The following FLNB variants were observed in gnomAD, a reference collection of about 807,000 sequenced individuals.
FLNB encodes the protein filamin B, also known as filamin-B.
Under a neutral mutation model 250.6 loss-of-function variants are expected in FLNB, and 111 were observed. The observed-to-expected ratio is 0.44, with a 90% confidence interval of 0.38 to 0.52. The LOEUF (loss-of-function observed/expected upper bound fraction) is 0.52, where lower values mean the gene tolerates loss of function less well. Ranked by LOEUF, FLNB falls within the 20% of genes least tolerant of loss-of-function variation. FLNB has a pLI of 0.00. For missense variants in FLNB, 2,869 were observed against 3,447.8 expected, an observed-to-expected ratio of 0.83 and a Z score of 4.20; for synonymous variants, 1,302 against 1,372.1, an observed-to-expected ratio of 0.95 and a Z score of 1.13.
chr3:58,145,718 AG>A (rs1288718418), intron 32 of FLNB, among the ~76,000 whole-genome samples: 5 of 152,282 alleles, frequency 3.3e-5, no homozygotes, highest in African/African-American at 1.2e-4. Flanking sequence ...TTGTGATTGA[AG>A]GAATAATACT....
intron 1 of FLNB, among the ~76,000 whole-genome samples, chr3:58,057,792 G>A (rs768736008): frequency 6.6e-6 from 1 of 152,030 alleles, no homozygotes; most frequent in Admixed American, 6.6e-5. Context: ...CATGTAAGTC[G>A]AGTGGATTTT....
Position 58,125,561 on chromosome 3 carries a change from CTGTT to C in FLNB, c.3899-15_3899-12del, listed in dbSNP as rs755050054. The C allele has an allele frequency of 1.2e-6, 2 of 1,613,752 alleles. No homozygotes were observed. The highest frequency in any genetic ancestry group is 2.2e-5 in the East Asian group (1 of 44,878). On this transcript the variant is annotated splice_polypyrimidine_tract_variant and intron_variant, in intron 22 of 45. Transcript: ENST00000295956. ...GGGATTTGTATGCAAATATGCGTTT[CTGTT>C]TGTTGTTTTGAGCAGGTCTCCATGT...
intron 4 of FLNB, among the ~76,000 whole-genome samples, chr3:58,087,830 TC>T (rs2107002035): frequency 6.6e-6 from 1 of 151,604 alleles, no homozygotes; most frequent in African/African-American, 2.4e-5. Flanking sequence ...AACCTCTGCC[TC>T]CTGGATTCAA....
chr3:58,025,697 G>C (rs140000723), intron 1 of FLNB, among the ~76,000 whole-genome samples: 1 of 152,198 alleles, frequency 6.6e-6, no homozygotes, highest in Admixed American at 6.5e-5. Flanking sequence ...GGGCTGAGGC[G>C]TGCAGATCAC....
intron 4 of FLNB, among the ~76,000 whole-genome samples, chr3:58,089,175 T>C (rs1269275994): frequency 1.3e-5 from 2 of 151,904 alleles, no homozygotes; most frequent in Admixed American, 1.3e-4. Context: ...AAAAAGACAG[T>C]TGATGCCAAC....
chr3:58,093,849 G>A (rs2097232878), intron 4 of FLNB, among the ~76,000 whole-genome samples: 1 of 152,160 alleles, frequency 6.6e-6, no homozygotes, highest in African/African-American at 2.4e-5. Flanking sequence ...ACAATTATAT[G>A]TAGTGAAAAA....
At chr3:58,084,828 C>T (rs564241899) in intron 4 of FLNB, among the ~76,000 whole-genome samples, 13 of 152,112 alleles carry the variant, frequency 8.5e-5, no homozygotes, top group Admixed American at 6.5e-4. Context: ...TTTGCTTATT[C>T]TAGGGACCTC....
At chr3:58,076,949 C>T in intron 1 of FLNB, 97 bp from the exon 2 acceptor site, 1 of 1,376,440 alleles carries the variant, frequency 7.3e-7, no homozygotes, top group Non-Finnish European at 1.0e-6. Context: ...CAGTATGGTT[C>T]TCTAATAGTT....
Position 58,142,589 on chromosome 3 carries a change from T to G in FLNB, c.5182-61T>G. ...GAATTCCCAGCAGCTCTAACCCCTG[T>G]AGCTTCACCAGCTCCCGCTGTTGTC... On this transcript the variant is annotated intron_variant, in intron 30 of 45. Transcript: ENST00000295956. The surrounding 1 kb of genome is among the most constrained non-coding windows in gnomAD (Gnocchi z 4.3). 1 of 1,421,548 alleles carries G rather than the reference T, an allele frequency of 7.0e-7. No homozygotes were observed. The highest frequency in any genetic ancestry group is 1.2e-5 in the South Asian group (1 of 86,338). The allele number at this position is 1,421,548 out of a possible 1,614,324, so 88.1% of individuals were successfully genotyped here. A position where few individuals can be genotyped will look rare whatever the true frequency, so the allele number is the denominator to read the frequency against.
Position 58,170,643 on chromosome 3 carries a change from G to A in FLNB, c.7690G>A (p.Val2564Ile), listed in dbSNP as rs759652781. The A allele has an allele frequency of 8.9e-5, 143 of 1,614,160 alleles. 1 individual carries two copies. The highest frequency in any genetic ancestry group is 1.5e-4 in the Admixed American group (9 of 60,016). The change falls in exon 46 of 46, where the codon GTA becomes ATA. Residue 2564 changes from valine (V) to isoleucine (I), a missense_variant. Physicochemically the swap from Val to Ile is conservative, Grantham distance 29 (BLOSUM62 3). This residue lies in a region of FLNB where 1,084 missense variants were observed against 1,315.5 expected (regional missense o/e 0.82). Coordinates refer to ENST00000295956, the MANE Select transcript of FLNB (RefSeq NM_001457.4). ...TPCEEVSMKHVGNQQYNVTYV... is the reference protein window; with the variant it reads ...TPCEEVSMKHIGNQQYNVTYV... ...CTGCGAGGAGGTCTCCATGAAGCATGTAGGCAACCAGCAATACAACGTCAC... is the reference window on the plus strand; with the variant it reads ...CTGCGAGGAGGTCTCCATGAAGCATATAGGCAACCAGCAATACAACGTCAC...
At chr3:58,051,708 G>A (rs2097162772) in intron 1 of FLNB, among the ~76,000 whole-genome samples, 1 of 151,256 alleles carries the variant, frequency 6.6e-6, no homozygotes, top group Non-Finnish European at 1.5e-5. Context: ...GCTTTTTGAT[G>A]TGTAGCCAGG....
chr3:58,093,947 G>A (rs937465239), intron 4 of FLNB, among the ~76,000 whole-genome samples: 1 of 152,180 alleles, frequency 6.6e-6, no homozygotes, highest in African/African-American at 2.4e-5. Context: ...ACGGGTTAGT[G>A]GTTATCAGGG....
chr3:58,081,877 AG>A, intron 4 of FLNB, 101 bp downstream of exon 4: 1 of 1,308,546 alleles, frequency 7.6e-7, no homozygotes, highest in Non-Finnish European at 1.1e-6. Flanking sequence ...AAAAATAGAT[AG>A]GTGTAATCCT....
intron 1 of FLNB, among the ~76,000 whole-genome samples, chr3:58,044,344 C>T (rs906329458): frequency 2.0e-5 from 3 of 152,118 alleles, no homozygotes; most frequent in Non-Finnish European, 2.9e-5. Flanking sequence ...TGCCTCTATA[C>T]CCAGCACTTT....
At chr3:58,011,983 G>T (rs1183302843) in intron 1 of FLNB, among the ~76,000 whole-genome samples, 1 of 152,130 alleles carries the variant, frequency 6.6e-6, no homozygotes, top group Admixed American at 6.5e-5. Flanking sequence ...GGCCAAGGTG[G>T]GTGGATCACC....
Position 58,095,679 on chromosome 3 carries a change from A to T in FLNB, c.907-462A>T, listed in dbSNP as rs552895967. On this transcript the variant is annotated intron_variant, in intron 5 of 45. Transcript: ENST00000295956. ...GCACATGCTGTTCTTTCTGTCACTT[A>T]TTTTCGTAGGACCATATTTTATTCT... is the stretch of plus-strand genomic sequence containing the variant. Among the ~76,000 whole-genome samples the T allele has an allele frequency of 4.7e-3, 717 of 152,120 alleles. 6 individuals are homozygous for T. The highest frequency in any genetic ancestry group is 0.016 in the African/African-American group (678 of 41,478).
At chr3:58,157,448 T>C (rs1280614782) in intron 41 of FLNB, among the ~76,000 whole-genome samples, 1 of 152,206 alleles carries the variant, frequency 6.6e-6, no homozygotes, top group Non-Finnish European at 1.5e-5. Context: ...CCTCCAGTTG[T>C]TCCAAACATT....
intron 36 of FLNB, 80 bp downstream of exon 36, chr3:58,148,932 T>G: frequency 8.1e-7 from 1 of 1,231,470 alleles, no homozygotes; most frequent in Non-Finnish European, 1.2e-6. Flanking sequence ...CTTTTCATCC[T>G]ACCAACTCCT....
intron 1 of FLNB, among the ~76,000 whole-genome samples, chr3:58,024,699 TC>T (rs2097120386): frequency 7.5e-6 from 1 of 133,618 alleles, no homozygotes; most frequent in Non-Finnish European, 1.6e-5. Flanking sequence ...TGGCCAAGCC[TC>T]CTTTTTTTTT....
Sources: gnomAD v4.1 joint callset for allele counts (sites outside exome capture counted in the v4.1 genomes callset) on GRCh38, gnomAD v4.1.1 for gene constraint, gnomAD v4.1.1 regional missense constraint, Gnocchi (gnomAD v3.1) non-coding constraint, MANE v1.5 for transcripts, NCBI Gene and HGNC (gene_info 2026-07-23, HGNC 2026-07-21) for gene names.